Variants in CNTNAP2 observed in about 807,000 individuals in gnomAD.
The protein encoded by CNTNAP2 is contactin associated protein 2.
A neutral mutation model predicts 155.2 loss-of-function variants in CNTNAP2; 98 were observed. The observed-to-expected ratio is 0.63, with a 90% CI of 0.54 to 0.75. CNTNAP2 has a LOEUF of 0.75. CNTNAP2 is among the 30% of genes least tolerant of loss of function. The pLI is 0.00. For synonymous variants in CNTNAP2, 651 were observed against 631.2 expected (o/e 1.03, Z -0.47); for missense variants, 1,727 against 1,688.1 (o/e 1.02, Z -0.40).
intron 2 of CNTNAP2, among the ~76,000 whole-genome samples, chr7:146,803,379 A>G (rs1164467083): frequency 6.6e-6 from 1 of 152,236 alleles, no homozygotes; most frequent in Non-Finnish European, 1.5e-5. Flanking sequence ...CATAGTTGCA[A>G]GAACACAGGG....
chr7:147,093,806 T>C (rs770766618), intron 4 of CNTNAP2, among the ~76,000 whole-genome samples: 3 of 152,170 alleles, frequency 2.0e-5, no homozygotes, highest in African/African-American at 4.8e-5. Context: ...CAAACTGCTC[T>C]CCTGCTGTGA....
At chr7:146,977,485 T>C (rs1053804760) in intron 3 of CNTNAP2, among the ~76,000 whole-genome samples, 4 of 152,198 alleles carry the variant, frequency 2.6e-5, no homozygotes, top group African/African-American at 9.6e-5. Flanking sequence ...GAGTCTCCTG[T>C]CCTTGATGGC....
chr7:147,104,771 C>A (rs1030438458), intron 4 of CNTNAP2, among the ~76,000 whole-genome samples: 1 of 149,080 alleles, frequency 6.7e-6, no homozygotes, highest in Non-Finnish European at 1.5e-5. Context: ...TATTATATCA[C>A]CCCAAACTCA....
intron 3 of CNTNAP2, among the ~76,000 whole-genome samples, chr7:146,944,937 A>C (rs1050198484): frequency 3.3e-5 from 5 of 151,312 alleles, no homozygotes; most frequent in African/African-American, 1.2e-4. Flanking sequence ...ATTTAATGGT[A>C]GTTGTCTCAA....
At chr7:147,144,300 C>G (rs554448776) in intron 8 of CNTNAP2, among the ~76,000 whole-genome samples, 1 of 152,126 alleles carries the variant, frequency 6.6e-6, no homozygotes, top group Non-Finnish European at 1.5e-5. Context: ...CGTGTGGACA[C>G]GGAGAAGTAA....
At chr7:147,533,078 T>C (rs1398722121) in intron 11 of CNTNAP2, among the ~76,000 whole-genome samples, 1 of 152,210 alleles carries the variant, frequency 6.6e-6, no homozygotes, top group Non-Finnish European at 1.5e-5. Flanking sequence ...GATGAGTAAA[T>C]GTAGACTGAA....
chr7:146,750,778 A>G (rs1235120590), intron 1 of CNTNAP2, among the ~76,000 whole-genome samples: 1 of 152,150 alleles, frequency 6.6e-6, no homozygotes, highest in African/African-American at 2.4e-5. Flanking sequence ...GCCTTATGAA[A>G]TTTACTTAAC....
rs1308160060 is a variant in CNTNAP2, at chr7:146,434,043, C to G, written c.97+317070C>G. 2.6e-5 allele frequency among the ~76,000 whole-genome samples: 4 copies of G among 152,102 alleles called. No homozygotes were observed. In the South Asian group the frequency reaches 6.2e-4, roughly 24 times the overall value. ...TGGCCTGGGTATGGTTTTCAGACTG[C>G]ATTTTTACAGAGTATTTAAGGGCAA... On this transcript the variant is annotated intron_variant, in intron 1 of 23. Transcript: ENST00000361727.
chr7:147,643,763 C>T (rs74385010), intron 13 of CNTNAP2, among the ~76,000 whole-genome samples: 2,301 of 152,168 alleles, frequency 0.015, 190 homozygotes, highest in Admixed American at 0.14. Flanking sequence ...AAGAGCTTTA[C>T]GCTCAAGAGT....
intron 3 of CNTNAP2, among the ~76,000 whole-genome samples, chr7:146,939,889 A>T (rs903062551): frequency 2.6e-5 from 4 of 151,856 alleles, no homozygotes; most frequent in Admixed American, 2.6e-4. Flanking sequence ...CACAAATGAG[A>T]TTTTTTTTCA....
chr7:148,364,767 AAG>A (rs1346167211), intron 21 of CNTNAP2, among the ~76,000 whole-genome samples: 2 of 152,182 alleles, frequency 1.3e-5, no homozygotes, highest in South Asian at 4.1e-4. Flanking sequence ...GGGGCCAGAT[AAG>A]AGAATAAAAG....
At chr7:147,733,016 G>C (rs1458487744) in intron 13 of CNTNAP2, among the ~76,000 whole-genome samples, 1 of 152,020 alleles carries the variant, frequency 6.6e-6, no homozygotes, top group Non-Finnish European at 1.5e-5. Flanking sequence ...TTTCTTTTTT[G>C]TGCAGAAGCT....
At chr7:148,310,639 G>A (rs574979059) in intron 21 of CNTNAP2, among the ~76,000 whole-genome samples, 135 of 152,256 alleles carry the variant, frequency 8.9e-4, no homozygotes, top group African/African-American at 3.1e-3. Flanking sequence ...AATTTTGGGG[G>A]TAAGGAAGAC....
At chr7:147,412,449 G>C (rs531084680) in intron 10 of CNTNAP2, among the ~76,000 whole-genome samples, 1 of 152,134 alleles carries the variant, frequency 6.6e-6, no homozygotes, top group Non-Finnish European at 1.5e-5. Context: ...CTCAGGATCT[G>C]TAAGACTGGG....
At chr7:147,290,704 AAGGCACTGGATATACAGTGAAAAG>A (rs1446774469) in intron 8 of CNTNAP2, among the ~76,000 whole-genome samples, 8 of 148,678 alleles carry the variant, frequency 5.4e-5, no homozygotes, top group East Asian at 3.9e-4. Flanking sequence ...AAAAAAAAAA[AAGGCACTGGATATACAGTGAAAAG>A]AGGCACTGGA....
At chr7:147,497,164 A>G (rs1419273782) in intron 11 of CNTNAP2, 1 of 152,232 alleles carries the variant, frequency 6.6e-6, no homozygotes, top group East Asian at 1.9e-4. Context: ...GAAATAATGT[A>G]AATGGATATG....
At chr7:148,390,004 A>AG (rs1231227521) in intron 22 of CNTNAP2, 1 of 152,188 alleles carries the variant, frequency 6.6e-6, no homozygotes, top group African/African-American at 2.4e-5. Flanking sequence ...TGTGTGACCA[A>AG]GGTCAAGAAT....
At chr7:146,422,732 C>T (rs1220466931) in intron 1 of CNTNAP2, among the ~76,000 whole-genome samples, 1 of 152,092 alleles carries the variant, frequency 6.6e-6, no homozygotes, top group Non-Finnish European at 1.5e-5. Flanking sequence ...AGCAATCTGC[C>T]TGCCTTGGAA....
intron 3 of CNTNAP2, among the ~76,000 whole-genome samples, chr7:146,845,677 A>G (rs998292194): frequency 6.6e-6 from 1 of 152,136 alleles, no homozygotes; most frequent in African/African-American, 2.4e-5. Flanking sequence ...ATATCTGACA[A>G]TATTTTAGAT....
Sources: gnomAD v4.1 joint callset for allele counts (sites outside exome capture counted in the v4.1 genomes callset) on GRCh38, gnomAD v4.1.1 for gene constraint, MANE v1.5 for transcripts, NCBI Gene and HGNC (gene_info 2026-07-23, HGNC 2026-07-21) for gene names.